Variants in PLEKHS1 observed in about 807,000 individuals in gnomAD.
The protein encoded by PLEKHS1 is pleckstrin homology domain-containing family S member 1.
A neutral mutation model predicts 51.0 loss-of-function variants in PLEKHS1; 55 were observed. That is an observed-to-expected ratio of 1.08 (90% CI 0.87 to 1.35). The LOEUF (loss-of-function observed/expected upper bound fraction) is 1.35. PLEKHS1 is among the 40% of genes most tolerant of loss of function. PLEKHS1 has a pLI of 0.00. For synonymous variants in PLEKHS1, 153 were observed against 144.8 expected (o/e 1.06, Z -0.41); for missense variants, 398 against 423.0 (o/e 0.94, Z 0.52).
At chr10:113,766,678 T>C (rs1225899699) in exon 4 of PLEKHS1, 18 of 1,612,516 alleles carry the variant, frequency 1.1e-5, no homozygotes, top group Admixed American at 1.7e-5. Context: ...TCTTTCCTAT[T>C]ATAAAGACCA....
intron 2 of PLEKHS1, chr10:113,765,303 G>A (rs1319466044): frequency 2.6e-6 from 2 of 771,816 alleles, no homozygotes; most frequent in Non-Finnish European, 4.8e-6. Context: ...TTAGTGTAGA[G>A]CTAATTATTC....
At chr10:113,782,815 A>C (rs1010427425), downstream of PLEKHS1, 1 of 152,160 alleles carries the variant, frequency 6.6e-6, no homozygotes, top group Non-Finnish European at 1.5e-5. Context: ...GGATTTCTTT[A>C]TTTAATGTGA....
chr10:113,774,920 G>A (rs748290428), exon 10 of PLEKHS1: 12 of 1,614,068 alleles, frequency 7.4e-6, no homozygotes, highest in African/African-American at 1.3e-5. Flanking sequence ...CCACCTGCAA[G>A]AACAAGGCTC....
exon 10 of PLEKHS1, chr10:113,774,994 G>T (rs754206570): frequency 6.2e-7 from 1 of 1,614,136 alleles, no homozygotes; most frequent in South Asian, 1.1e-5. Flanking sequence ...ACCAAAAGGG[G>T]TCGGCCTCAC....
In PLEKHS1 at chr10:113,766,702, T is replaced by G. The variant is rs756881826; in HGVS notation, c.208T>G (p.Ser70Ala). ...TTATAAAGACCATCATCACCGAGGT[T>G]CCATTGAAATTGATCAGTGTGTATC... Residue 70 changes from serine (S) to alanine (A), a missense_variant, in exon 4 of 12, where the codon TCC becomes GCC. Physicochemically the swap from Ser to Ala is moderately conservative, Grantham distance 99 (BLOSUM62 1). Transcript: ENST00000361048. 5 of 1,610,394 alleles carry G rather than the reference T, an allele frequency of 3.1e-6. No individual in the cohort carries two copies. The East Asian group carries it at 6.7e-5, about 22-fold the overall frequency.
chr10:113,779,569 CAA>C (rs566568556), intron 11 of PLEKHS1, among the ~76,000 whole-genome samples: 25 of 111,526 alleles, frequency 2.2e-4, no homozygotes, highest in Non-Finnish European at 2.2e-4. Flanking sequence ...GACTCTGTCT[CAA>C]AAAAAAAAAA....
intron 11 of PLEKHS1, chr10:113,777,672 C>T (rs937881057): frequency 6.6e-7 from 1 of 1,523,794 alleles, no homozygotes. Flanking sequence ...ACAAAGGTGA[C>T]TGGCACATAT....
intron 5 of PLEKHS1, among the ~76,000 whole-genome samples, chr10:113,768,380 T>C (rs1038606414): frequency 6.6e-6 from 1 of 152,162 alleles, no homozygotes; most frequent in Non-Finnish European, 1.5e-5. Context: ...AAGCTTCCTT[T>C]TAAGTTGTCC....
intron 2 of PLEKHS1, among the ~76,000 whole-genome samples, chr10:113,763,292 T>C (rs547712462): frequency 1.3e-5 from 2 of 152,250 alleles, no homozygotes; most frequent in East Asian, 3.9e-4. Flanking sequence ...AGCATATCTT[T>C]TTTTCCAGTT....
At chr10:113,769,220 C>A (rs1176409676) in intron 6 of PLEKHS1, among the ~76,000 whole-genome samples, 1 of 152,160 alleles carries the variant, frequency 6.6e-6, no homozygotes, top group African/African-American at 2.4e-5. Context: ...TTTTGAATGA[C>A]TAAGTCTAGG....
rs556706551 is a variant in PLEKHS1 at position 113,753,649 on chromosome 10, T to G, written c.-19-1610T>G. Among the ~76,000 whole-genome samples the G allele has an allele frequency of 3.5e-4, 53 of 152,230 alleles. 1 individual carries two copies. The highest frequency in any genetic ancestry group is 3.5e-3 in the Admixed American group (53 of 15,284). ...AGGATACCTCAAGGGAGAAAATCTT[T>G]CCCTAGGGGCAGGGTAGGTATGATT... On this transcript the variant is annotated intron_variant, in intron 1 of 11. Transcript: ENST00000361048.
chr10:113,781,035 C>G, exon 12 of PLEKHS1: 1 of 501,798 alleles, frequency 2.0e-6, no homozygotes, highest in Non-Finnish European at 3.6e-6. Context: ...ACACCACAGA[C>G]ACAGATTGGG....
chr10:113,777,082 C>T (rs1214853028), intron 11 of PLEKHS1, 42 bp from the exon 12 acceptor site: 2 of 1,605,802 alleles, frequency 1.2e-6, no homozygotes, highest in Admixed American at 1.7e-5. Context: ...TCCTGGCCAG[C>T]TGAGCCTCAC....
intron 2 of PLEKHS1, among the ~76,000 whole-genome samples, chr10:113,763,122 T>C (rs1376771656): frequency 6.6e-6 from 1 of 152,138 alleles, no homozygotes; most frequent in Non-Finnish European, 1.5e-5. Context: ...TTTGAAGCTA[T>C]GTTATAAGGG....
intron 7 of PLEKHS1, among the ~76,000 whole-genome samples, chr10:113,770,208 G>A (rs568883938): frequency 9.9e-5 from 15 of 152,274 alleles, no homozygotes; most frequent in Admixed American, 2.6e-4. Flanking sequence ...TTCACACAGA[G>A]GGCACAGATC....
chr10:113,780,626 A>T (rs756368761), exon 12 of PLEKHS1: 51 of 1,613,918 alleles, frequency 3.2e-5, no homozygotes, highest in Non-Finnish European at 4.2e-5. Flanking sequence ...CATCGGCAGG[A>T]TCCCAAATTC....
At chr10:113,759,173 G>T (rs1191666606) in intron 2 of PLEKHS1, among the ~76,000 whole-genome samples, 1 of 152,178 alleles carries the variant, frequency 6.6e-6, no homozygotes, top group Non-Finnish European at 1.5e-5. Flanking sequence ...GAAGGCTGAG[G>T]TGGGCAGATC....
At position 113,766,421 on chromosome 10, in the gene PLEKHS1, T is replaced by C. The variant is rs528751511; in HGVS notation, c.39T>C (p.Phe13=). 1.3e-5 allele frequency: 21 copies of C among 1,574,150 alleles called. No individual in the cohort carries two copies. The South Asian group carries it at 1.8e-4, about 14-fold the overall frequency. The change falls in exon 3 of 12, where the codon TTT becomes TTC. Residue 13 remains phenylalanine (F), a synonymous_variant. Transcript: ENST00000361048. ...GTTCACTTTTATTAGGCAAACAATT[T>C]ACATTTTCTTATGAAAATGAAGTCT...
intron 4 of PLEKHS1, 111 bp downstream of exon 4, chr10:113,766,829 A>T (rs1190625732): frequency 2.6e-6 from 2 of 777,190 alleles, no homozygotes; most frequent in East Asian, 5.5e-5. Context: ...ACCTGCTTCA[A>T]GCTGATTATA....
Sources: allele counts gnomAD v4.1 joint callset (sites outside exome capture counted in the v4.1 genomes callset), GRCh38; gene constraint gnomAD v4.1.1; transcripts MANE v1.5; gene names NCBI Gene and HGNC (gene_info 2026-07-23, HGNC 2026-07-21).